The following EPYC variants were observed in gnomAD, a reference collection of about 807,000 sequenced individuals.
The protein encoded by EPYC is epiphycan, also known as dermatan sulfate proteoglycan 3.
Under a neutral mutation model 30.1 loss-of-function variants are expected in EPYC, and 28 were observed. That is an observed-to-expected ratio of 0.93 (90% CI 0.69 to 1.28). The LOEUF (loss-of-function observed/expected upper bound fraction) is 1.28. Among genes scored for constraint, EPYC ranks in the 50% most tolerant of loss-of-function variants. The pLI is 0.00. For synonymous variants in EPYC, 144 were observed against 141.4 expected (o/e 1.02, Z -0.13); for missense variants, 382 against 383.5 (o/e 1.00, Z 0.03).
chr12:90,986,445 A>G (rs897579031), intron 2 of EPYC, among the ~76,000 whole-genome samples: 4 of 152,180 alleles, frequency 2.6e-5, no homozygotes, highest in Non-Finnish European at 5.9e-5. Flanking sequence ...TCAATGAAAC[A>G]GTAATTCCTC....
intron 2 of EPYC, among the ~76,000 whole-genome samples, chr12:90,980,376 T>A (rs1169203198): frequency 6.6e-6 from 1 of 152,156 alleles, no homozygotes; most frequent in African/African-American, 2.4e-5. Flanking sequence ...AAATAAAACA[T>A]AAATGCAATA....
intron 2 of EPYC, among the ~76,000 whole-genome samples, chr12:90,985,227 G>T (rs945396543): frequency 6.6e-6 from 1 of 151,188 alleles, no homozygotes; most frequent in Non-Finnish European, 1.5e-5. Flanking sequence ...TTAGGAAAAA[G>T]CACATGAATT....
intron 2 of EPYC, among the ~76,000 whole-genome samples, chr12:90,990,209 A>G (rs1014781436): frequency 6.6e-6 from 1 of 152,102 alleles, no homozygotes; most frequent in Non-Finnish European, 1.5e-5. Context: ...TATCTTTCTC[A>G]GTGTAACACA....
chr12:90,983,319 T>C (rs1195874680), intron 2 of EPYC, among the ~76,000 whole-genome samples: 1 of 152,088 alleles, frequency 6.6e-6, no homozygotes, highest in East Asian at 1.9e-4. Context: ...AAGCGGTGAG[T>C]ACCATTGGAC....
rs1303339671 is a variant in EPYC at position 91,004,944 on chromosome 12, T to C, written c.-14+3A>G. ...CAAGAAGAAAGCAAGTATAAAAACT[T>C]ACCTTTGGCTCTGACCTGATGAAAT... On this transcript the variant is annotated splice_donor_region_variant and intron_variant, in intron 1 of 6. Coordinates refer to ENST00000261172, the MANE Select transcript of EPYC (RefSeq NM_004950.5). 1 of 152,042 alleles carries C rather than the reference T, an allele frequency of 6.6e-6. No homozygotes were observed. Among genetic ancestry groups the C allele is most frequent in the African/African-American group, 2.4e-5 (1 of 41,440 alleles). The allele number at this position is 152,042 out of a possible 1,614,324, so 9.4% of individuals were successfully genotyped here.
chr12:90,979,251 A>G (rs1201154031), intron 2 of EPYC, among the ~76,000 whole-genome samples: 1 of 152,148 alleles, frequency 6.6e-6, no homozygotes, highest in Non-Finnish European at 1.5e-5. Flanking sequence ...GGCGACATCC[A>G]GGACCCACTT....
intron 6 of EPYC, among the ~76,000 whole-genome samples, chr12:90,967,219 T>A (rs1876921859): frequency 6.6e-6 from 1 of 152,104 alleles, no homozygotes; most frequent in African/African-American, 2.4e-5. Context: ...GATCTTCTTT[T>A]TTAATATACG....
At chr12:90,975,783 C>A (rs1488654015) in intron 3 of EPYC, among the ~76,000 whole-genome samples, 1 of 152,008 alleles carries the variant, frequency 6.6e-6, no homozygotes, top group Admixed American at 6.6e-5. Flanking sequence ...GTGCTTTATG[C>A]TGGATATTTA....
intron 3 of EPYC, among the ~76,000 whole-genome samples, chr12:90,977,083 T>A (rs1458787370): frequency 6.6e-6 from 1 of 152,176 alleles, no homozygotes; most frequent in Non-Finnish European, 1.5e-5. Flanking sequence ...TATGTCTATC[T>A]TCCTGTGCTA....
chr12:90,989,658 T>A (rs528927914), intron 2 of EPYC, among the ~76,000 whole-genome samples: 2 of 152,180 alleles, frequency 1.3e-5, no homozygotes, highest in Admixed American at 6.5e-5. Flanking sequence ...TTTCATTTAA[T>A]CATACCGTCT....
intron 1 of EPYC, 129 bp from the exon 2 acceptor site, chr12:91,002,707 T>C (rs535784864): frequency 1.6e-4 from 109 of 674,526 alleles, no homozygotes; most frequent in Admixed American, 2.4e-4. Context: ...CCATGGATAA[T>C]TTATAAACAT....
In EPYC at chr12:90,996,432, T is replaced by C. The variant is rs114779565; in HGVS notation, c.165+5969A>G. On this transcript the variant is annotated intron_variant, in intron 2 of 6. Transcript: ENST00000261172. ...AGGGGATACATGCACAGGTTTATTA[T>C]AGGAGTATATTGCTTGGTGCTGAGG... 7.1e-3 allele frequency among the ~76,000 whole-genome samples: 1,077 copies of C among 151,988 alleles called. 9 individuals carry two copies. The highest frequency in any genetic ancestry group is 0.025 in the African/African-American group (1,031 of 41,522).
At chr12:90,998,906 T>C (rs1406195606) in intron 2 of EPYC, among the ~76,000 whole-genome samples, 1 of 152,078 alleles carries the variant, frequency 6.6e-6, no homozygotes, top group Non-Finnish European at 1.5e-5. Flanking sequence ...TCCTTGTGTC[T>C]GTAGGCCTGA....
At chr12:90,996,063 G>C (rs921140782) in intron 2 of EPYC, among the ~76,000 whole-genome samples, 1 of 151,658 alleles carries the variant, frequency 6.6e-6, no homozygotes, top group Non-Finnish European at 1.5e-5. Flanking sequence ...GGCCAAAGTA[G>C]GATATATTTT....
rs566958365 is a variant in EPYC at position 90,989,157 on chromosome 12, A to C, written c.166-10895T>G. On this transcript the variant is annotated intron_variant, in intron 2 of 6. Coordinates refer to ENST00000261172, the MANE Select transcript of EPYC (RefSeq NM_004950.5). ...TCATACTTGTCAATTTTAAGGGATGACTAATTATAGGTTGATTTATCTAGT... is the reference window on the plus strand; with the variant it reads ...TCATACTTGTCAATTTTAAGGGATGCCTAATTATAGGTTGATTTATCTAGT... Among the ~76,000 whole-genome samples the C allele has an allele frequency of 2.6e-5, 4 of 152,188 alleles. No individual in the cohort carries two copies. The South Asian group carries it at 8.3e-4, about 32-fold the overall frequency.
At chr12:90,982,639 C>G (rs1351939102) in intron 2 of EPYC, among the ~76,000 whole-genome samples, 1 of 152,090 alleles carries the variant, frequency 6.6e-6, no homozygotes, top group African/African-American at 2.4e-5. Flanking sequence ...TTCCCCATTT[C>G]CCTCTTCTGC....
At chr12:90,976,391 A>G (rs1877180992) in intron 3 of EPYC, among the ~76,000 whole-genome samples, 1 of 152,148 alleles carries the variant, frequency 6.6e-6, no homozygotes, top group African/African-American at 2.4e-5. Context: ...TATTCATTTA[A>G]TCCTGACAAC....
chr12:90,999,507 A>G (rs1006653982), intron 2 of EPYC, among the ~76,000 whole-genome samples: 2 of 151,992 alleles, frequency 1.3e-5, no homozygotes, highest in African/African-American at 4.8e-5. Flanking sequence ...AATATGAAGA[A>G]TCTCATCCTA....
chr12:90,996,435 G>T (rs1341254987), intron 2 of EPYC, among the ~76,000 whole-genome samples: 2 of 151,544 alleles, frequency 1.3e-5, no homozygotes, highest in African/African-American at 2.4e-5. Flanking sequence ...TTTATTATAG[G>T]AGTATATTGC....
Sources: allele counts gnomAD v4.1 joint callset (sites outside exome capture counted in the v4.1 genomes callset), GRCh38; gene constraint gnomAD v4.1.1; transcripts MANE v1.5; gene names NCBI Gene and HGNC (gene_info 2026-07-23, HGNC 2026-07-21).